The following TMEM131 variants were observed in gnomAD, a reference collection of about 807,000 sequenced individuals.
TMEM131 encodes the protein 2610524E03Rik.
Under a neutral mutation model 211.6 loss-of-function variants are expected in TMEM131, and 66 were observed. The ratio of observed to expected loss-of-function variants is 0.31; its 90% CI spans 0.26 to 0.38. The LOEUF is 0.38. TMEM131 is among the 10% of genes least tolerant of loss of function. TMEM131 has a pLI of 1.00. For synonymous variants in TMEM131, 844 were observed against 841.3 expected, an observed-to-expected ratio of 1.00 and a Z score of -0.06; for missense variants, 2,036 against 2,299.3, an observed-to-expected ratio of 0.89 and a Z score of 2.34.
chr2:97,954,203 A>G (rs937718867), intron 1 of TMEM131, among the ~76,000 whole-genome samples: 3 of 152,188 alleles, frequency 2.0e-5, no homozygotes, highest in Non-Finnish European at 1.5e-5. Flanking sequence ...GAAAATAACA[A>G]CAACAAAAAT....
At chr2:97,887,826 A>C in intron 4 of TMEM131, 1 of 428,204 alleles carries the variant, frequency 2.3e-6, no homozygotes, top group Non-Finnish European at 4.2e-6. Flanking sequence ...CAGAGACTAC[A>C]ACAAGCGAGT....
intron 1 of TMEM131, among the ~76,000 whole-genome samples, chr2:97,929,046 G>C (rs1443654976): frequency 6.6e-6 from 1 of 151,742 alleles, no homozygotes; most frequent in Non-Finnish European, 1.5e-5. Flanking sequence ...CTGGAACTCA[G>C]ATCTTGTGTT....
chr2:97,815,859 T>C (rs569604770), intron 12 of TMEM131, among the ~76,000 whole-genome samples: 61 of 152,312 alleles, frequency 4.0e-4, no homozygotes, highest in African/African-American at 1.5e-3. Flanking sequence ...ACATTTCTTG[T>C]ATGGCCAAAG....
At chr2:97,971,178 ATAAC>A (rs1241012245) in intron 1 of TMEM131, among the ~76,000 whole-genome samples, 5 of 152,218 alleles carry the variant, frequency 3.3e-5, no homozygotes, top group African/African-American at 7.2e-5. Flanking sequence ...TCAGGTATAC[ATAAC>A]CCTTTACAAA....
intron 1 of TMEM131, among the ~76,000 whole-genome samples, chr2:97,957,494 A>G (rs1678624652): frequency 6.6e-6 from 1 of 152,202 alleles, no homozygotes; most frequent in Admixed American, 6.5e-5. Flanking sequence ...TTCAAGGGAT[A>G]CTATTTTGGT....
intron 31 of TMEM131, among the ~76,000 whole-genome samples, chr2:97,786,605 C>T (rs1361786378): frequency 6.6e-6 from 1 of 152,200 alleles, no homozygotes; most frequent in Non-Finnish European, 1.5e-5. Flanking sequence ...GGGCTAACCT[C>T]AGTGTGTGGA....
At chr2:97,897,271 T>C (rs1449297394) in intron 3 of TMEM131, among the ~76,000 whole-genome samples, 1 of 152,094 alleles carries the variant, frequency 6.6e-6, no homozygotes, top group East Asian at 1.9e-4. Flanking sequence ...CTTATTTCTG[T>C]TTCTTGTCTT....
rs1475269511 is a variant in TMEM131, at chr2:97,762,050, T to C, written c.4874A>G (p.Asn1625Ser). ...GCAGGCCTACCTGCTGGAGCTGCTG[T>C]TGACGATGCTGCTGTAGCTGCCCCG... is the stretch of plus-strand genomic sequence containing the variant. Reference protein sequence around the residue: ...VARGSYSSIVNSSSSSDPKIK... With the variant: ...VARGSYSSIVSSSSSSDPKIK... Residue 1625 changes from asparagine to serine, a missense_variant, in exon 36 of 41, where the codon AAC becomes AGC. Asn to Ser is a conservative substitution (Grantham distance 46). Coordinates refer to ENST00000186436, the MANE Select transcript of TMEM131 (RefSeq NM_015348.2). 1.3e-6 allele frequency: 2 copies of C among 1,575,506 alleles called. No homozygotes were observed. Among genetic ancestry groups the C allele is most frequent in the Non-Finnish European group, 1.7e-6 (2 of 1,166,190 alleles).
intron 33 of TMEM131, among the ~76,000 whole-genome samples, chr2:97,769,309 C>T (rs1461930430): frequency 6.6e-6 from 1 of 152,140 alleles, no homozygotes; most frequent in East Asian, 1.9e-4. Flanking sequence ...ATATTTTCCT[C>T]CATTTTTTAA....
At chr2:97,796,147 A>G (rs1306018310) in intron 28 of TMEM131, 71 bp downstream of exon 28, 1 of 921,032 alleles carries the variant, frequency 1.1e-6, no homozygotes, top group African/African-American at 1.8e-5. Context: ...TTTGGTAAAT[A>G]TGAAAACATA....
At chr2:97,906,808 G>A (rs972670138) in intron 3 of TMEM131, among the ~76,000 whole-genome samples, 50 of 152,168 alleles carry the variant, frequency 3.3e-4, no homozygotes, top group African/African-American at 9.2e-4. Flanking sequence ...GAAGAGACAA[G>A]CTGTCTTTGC....
chr2:97,960,132 T>C (rs1678752853), intron 1 of TMEM131, among the ~76,000 whole-genome samples: 2 of 136,562 alleles, frequency 1.5e-5, no homozygotes, highest in African/African-American at 5.8e-5. Flanking sequence ...ATCACAAAGA[T>C]GTATTTTTCC....
intron 6 of TMEM131, among the ~76,000 whole-genome samples, chr2:97,843,571 T>C (rs774478190): frequency 8.5e-5 from 13 of 152,124 alleles, no homozygotes; most frequent in Non-Finnish European, 1.6e-4. Flanking sequence ...AACTCCTGGC[T>C]TCAAGTGATC....
intron 1 of TMEM131, among the ~76,000 whole-genome samples, chr2:97,949,649 T>G (rs777194983): frequency 2.0e-5 from 3 of 149,996 alleles, no homozygotes; most frequent in Non-Finnish European, 4.4e-5. Flanking sequence ...TCGTCTCTAC[T>G]GAAAAAAAAA....
intron 5 of TMEM131, among the ~76,000 whole-genome samples, chr2:97,857,410 G>A (rs1256081747): frequency 6.6e-6 from 1 of 152,088 alleles, no homozygotes; most frequent in African/African-American, 2.4e-5. Flanking sequence ...TCTTGTTCTA[G>A]TCTCTGTATT....
intron 28 of TMEM131, 25 bp downstream of exon 28, chr2:97,796,193 T>A (rs1307841669): frequency 1.4e-6 from 2 of 1,385,812 alleles, no homozygotes; most frequent in Non-Finnish European, 2.0e-6. Context: ...TAGTGATTCA[T>A]TACACCTTAA....
chr2:97,760,526 TA>T (rs3214760), intron 38 of TMEM131, 66 bp downstream of exon 38: 1,055,645 of 1,442,184 alleles, frequency 0.73, 401,526 homozygotes, highest in African/African-American at 0.88. Flanking sequence ...CATTTATGGA[TA>T]AAAAGGTGCT....
At chr2:97,832,774 T>C (rs1345490042) in intron 11 of TMEM131, among the ~76,000 whole-genome samples, 2 of 152,200 alleles carry the variant, frequency 1.3e-5, no homozygotes, top group Admixed American at 1.3e-4. Context: ...TATCCCTTTT[T>C]TTCCTAAAAC....
chr2:97,900,201 A>G (rs1675794297), intron 3 of TMEM131, among the ~76,000 whole-genome samples: 1 of 152,138 alleles, frequency 6.6e-6, no homozygotes, highest in South Asian at 2.1e-4. Context: ...GGAAAGATCA[A>G]AATTCAAAAT....
Sources: allele counts gnomAD v4.1 joint callset (sites outside exome capture counted in the v4.1 genomes callset), GRCh38; gene constraint gnomAD v4.1.1; transcripts MANE v1.5; gene names NCBI Gene and HGNC (gene_info 2026-07-23, HGNC 2026-07-21).